LGR5: variants seen among roughly 807,000 people sequenced by gnomAD.
LGR5 encodes leucine-rich repeat-containing G protein-coupled receptor 5.
LGR5 carries 54 observed loss-of-function variants against 76.7 expected under a neutral mutation model. That is an observed-to-expected ratio of 0.70 (90% CI 0.57 to 0.88). The LOEUF is 0.88. Among genes scored for constraint, LGR5 ranks in the 40% least tolerant of loss-of-function variants. The pLI, the probability that LGR5 is intolerant of heterozygous loss-of-function variation, is 0.00. For missense variants in LGR5, 1,078 were observed against 1,073.3 expected, an observed-to-expected ratio of 1.00 and a Z score of -0.06; for synonymous variants, 406 against 421.9, an observed-to-expected ratio of 0.96 and a Z score of 0.46.
chr12:71,461,797 C>T (rs1872695617), intron 1 of LGR5, among the ~76,000 whole-genome samples: 1 of 152,178 alleles, frequency 6.6e-6, no homozygotes, highest in African/African-American at 2.4e-5. Context: ...CCAATGACCT[C>T]CTACTGTCTA....
At chr12:71,574,179 T>C (rs1181008471) in intron 13 of LGR5, among the ~76,000 whole-genome samples, 4 of 151,400 alleles carry the variant, frequency 2.6e-5, no homozygotes, top group Non-Finnish European at 5.9e-5. Context: ...GGCATGTGCC[T>C]GTAGTCCCAG....
Position 71,583,645 on chromosome 12 carries a change from A to G in LGR5, c.1637-2A>G, listed in dbSNP as rs1879184342. 6.2e-7 allele frequency: 1 copy of G among 1,606,398 alleles called. No individual in the cohort carries two copies. ...CAATCTTTGCCTTCCTTGGACTTCTAGGCCCCTTCAAACCCTGTGAACACC... is the reference window on the plus strand; with the variant it reads ...CAATCTTTGCCTTCCTTGGACTTCTGGGCCCCTTCAAACCCTGTGAACACC... On this transcript the variant is annotated splice_acceptor_variant, in intron 17 of 17. Transcript: ENST00000266674. LOFTEE classifies it high-confidence loss of function.
intron 1 of LGR5, among the ~76,000 whole-genome samples, chr12:71,460,961 G>A (rs1054164130): frequency 6.6e-6 from 1 of 152,124 alleles, no homozygotes; most frequent in Non-Finnish European, 1.5e-5. Flanking sequence ...ACTTCAAAAG[G>A]CTTTCAGAAA....
At chr12:71,473,141 A>G (rs1873171876) in intron 1 of LGR5, among the ~76,000 whole-genome samples, 1 of 152,204 alleles carries the variant, frequency 6.6e-6, no homozygotes, top group South Asian at 2.1e-4. Flanking sequence ...ATTACAATCT[A>G]GTCTGAAAGA....
intron 7 of LGR5, among the ~76,000 whole-genome samples, chr12:71,560,293 AAAGT>A (rs1455957037): frequency 3.9e-5 from 6 of 152,244 alleles, no homozygotes; most frequent in African/African-American, 1.4e-4. Context: ...TTCTTATAAT[AAAGT>A]AAGCTAGAGA....
In LGR5 at chr12:71,507,732, T is replaced by C. The variant is rs533943100; in HGVS notation, c.284+3047T>C. On this transcript the variant is annotated intron_variant, in intron 2 of 17. Coordinates refer to ENST00000266674, the MANE Select transcript of LGR5 (RefSeq NM_003667.4). ...TACAGCTAGAAATGTTAACTCTCTC[T>C]TTCTCTCTCTCTCTCTCTGGGTGTG... 3.3e-5 allele frequency among the ~76,000 whole-genome samples: 5 copies of C among 152,184 alleles called. No homozygotes were observed. The South Asian group carries it at 1.0e-3, about 32-fold the overall frequency.
intron 1 of LGR5, among the ~76,000 whole-genome samples, chr12:71,459,987 T>C (rs578058206): frequency 1.1e-4 from 17 of 152,130 alleles, no homozygotes. Flanking sequence ...CAAGGTAAGG[T>C]TAGCTATTAT....
intron 1 of LGR5, among the ~76,000 whole-genome samples, chr12:71,450,214 C>A (rs767079619): frequency 1.3e-5 from 2 of 152,168 alleles, no homozygotes; most frequent in East Asian, 3.9e-4. Context: ...GTCAAATACT[C>A]GAATGAACTC....
intron 1 of LGR5, among the ~76,000 whole-genome samples, chr12:71,494,155 C>T (rs61367666): frequency 0.024 from 3,573 of 150,626 alleles, 333 homozygotes; most frequent in African/African-American, 0.085. Flanking sequence ...ACCGTGTTAG[C>T]CAGGATGGTC....
intron 3 of LGR5, among the ~76,000 whole-genome samples, chr12:71,531,026 C>T (rs1876281622): frequency 6.8e-6 from 1 of 147,480 alleles, no homozygotes; most frequent in South Asian, 2.1e-4. Flanking sequence ...GGGGGAGGGA[C>T]CAAAAAATTG....
At chr12:71,572,642 A>G (rs1878665248) in intron 12 of LGR5, among the ~76,000 whole-genome samples, 1 of 152,206 alleles carries the variant, frequency 6.6e-6, no homozygotes, top group Non-Finnish European at 1.5e-5. Context: ...CGTCCTCCCA[A>G]GCAAACTAGC....
intron 3 of LGR5, among the ~76,000 whole-genome samples, chr12:71,528,067 AAC>A (rs756191176): frequency 6.6e-6 from 1 of 150,584 alleles, no homozygotes; most frequent in Non-Finnish European, 1.5e-5. Context: ...AAATGGAATA[AAC>A]AGTTTCTCTC....
intron 1 of LGR5, among the ~76,000 whole-genome samples, chr12:71,455,196 G>A (rs769635027): frequency 6.6e-6 from 1 of 152,136 alleles, no homozygotes; most frequent in East Asian, 1.9e-4. Flanking sequence ...ATATGCGACC[G>A]AGTTTGAGAA....
intron 4 of LGR5, among the ~76,000 whole-genome samples, chr12:71,549,903 A>T (rs1015596931): frequency 6.6e-6 from 1 of 152,206 alleles, no homozygotes; most frequent in Non-Finnish European, 1.5e-5. Flanking sequence ...AATTGGTATA[A>T]GATAATAGTG....
chr12:71,505,862 T>C (rs1592497905), intron 2 of LGR5, among the ~76,000 whole-genome samples: 1 of 152,216 alleles, frequency 6.6e-6, no homozygotes, highest in African/African-American at 2.4e-5. Context: ...ATTCATGGAA[T>C]AGATTTTCAC....
At chr12:71,567,739 C>G (rs1878419563) in intron 11 of LGR5, among the ~76,000 whole-genome samples, 1 of 152,144 alleles carries the variant, frequency 6.6e-6, no homozygotes, top group Non-Finnish European at 1.5e-5. Flanking sequence ...TGCCGTGTCA[C>G]TTCAGACTCC....
chr12:71,583,116 C>G (rs2078810022), intron 17 of LGR5, among the ~76,000 whole-genome samples: 1 of 151,906 alleles, frequency 6.6e-6, no homozygotes, highest in African/African-American at 2.4e-5. Flanking sequence ...ACAGGATGAG[C>G]CAGTTGAAAA....
rs375261134 is a variant in LGR5 at position 71,554,268 on chromosome 12, T to C, written c.644+980T>C. 1.9e-3 allele frequency among the ~76,000 whole-genome samples: 294 copies of C among 152,164 alleles called. 1 individual carries two copies. The highest frequency in any genetic ancestry group is 5.9e-3 in the African/African-American group (247 of 41,534). On this transcript the variant is annotated intron_variant, in intron 5 of 17. Coordinates refer to ENST00000266674, the MANE Select transcript of LGR5 (RefSeq NM_003667.4). ...GGGTCAGGGATGAAATCATAAGGGA[T>C]TGAAGTTGTCCTCTTGCTCTGAGTC...
intron 1 of LGR5, among the ~76,000 whole-genome samples, chr12:71,471,693 C>T (rs753031342): frequency 2.6e-5 from 4 of 151,010 alleles, no homozygotes; most frequent in Admixed American, 6.6e-5. Flanking sequence ...TTGAATCCTC[C>T]GCAACTTACC....
Sources: gnomAD v4.1 joint callset for allele counts (sites outside exome capture counted in the v4.1 genomes callset) on GRCh38, gnomAD v4.1.1 for gene constraint, MANE v1.5 for transcripts, NCBI Gene and HGNC (gene_info 2026-07-23, HGNC 2026-07-21) for gene names.